DOCK10: variants seen among roughly 807,000 people sequenced by gnomAD.
DOCK10 encodes the protein dedicator of cytokinesis 10, also known as dedicator of cytokinesis protein 10.
DOCK10 carries 145 observed loss-of-function variants against 280.1 expected under a neutral mutation model. That is an observed-to-expected ratio of 0.52 (90% CI 0.45 to 0.59). The LOEUF (loss-of-function observed/expected upper bound fraction) is 0.59, where lower values mean the gene tolerates loss of function less well. Ranked by LOEUF, DOCK10 falls within the 20% of genes least tolerant of loss-of-function variation. The pLI, the probability that DOCK10 is intolerant of heterozygous loss-of-function variation, is 0.00. For missense variants in DOCK10, 2,368 were observed against 2,651.7 expected (o/e 0.89, Z 2.35); for synonymous variants, 915 against 942.2 (o/e 0.97, Z 0.53).
At chr2:224,844,518 C>T (rs973821165) in intron 22 of DOCK10, among the ~76,000 whole-genome samples, 7 of 152,170 alleles carry the variant, frequency 4.6e-5, no homozygotes, top group Non-Finnish European at 8.8e-5. Context: ...CTATTAAACA[C>T]ACTTCTGGTA....
chr2:224,882,465 C>T (rs1449342408), intron 7 of DOCK10, among the ~76,000 whole-genome samples: 1 of 152,012 alleles, frequency 6.6e-6, no homozygotes, highest in African/African-American at 2.4e-5. Flanking sequence ...ATAAACATTA[C>T]CTAAAGTCTC....
intron 4 of DOCK10, chr2:224,893,639 C>A (rs981667361): frequency 1.2e-4 from 55 of 457,936 alleles, no homozygotes; most frequent in African/African-American, 1.1e-3. Context: ...TCAGTATCTT[C>A]CTATGGACCC....
At chr2:224,832,086 A>C (rs1457386491) in intron 26 of DOCK10, among the ~76,000 whole-genome samples, 1 of 152,208 alleles carries the variant, frequency 6.6e-6, no homozygotes, top group Non-Finnish European at 1.5e-5. Flanking sequence ...GTATATGTAT[A>C]GTTTCAAGAA....
In DOCK10 at chr2:225,002,838, T is replaced by C. The variant is rs1706474965; in HGVS notation, c.123+39414A>G. Among the ~76,000 whole-genome samples the C allele has an allele frequency of 2.0e-5, 3 of 151,784 alleles. No individual in the cohort carries two copies. In the South Asian group the frequency reaches 6.3e-4, roughly 32 times the overall value. ...TCGGGCAGGTGTAAACATCCACATATGCAGAAAGAAAAAAGCCAGCAGGTG... is the reference window on the plus strand; with the variant it reads ...TCGGGCAGGTGTAAACATCCACATACGCAGAAAGAAAAAAGCCAGCAGGTG... On this transcript the variant is annotated intron_variant, in intron 1 of 55. Transcript: ENST00000258390.
At chr2:224,855,993 T>C (rs1482626797) in intron 15 of DOCK10, among the ~76,000 whole-genome samples, 1 of 152,232 alleles carries the variant, frequency 6.6e-6, no homozygotes, top group African/African-American at 2.4e-5. Flanking sequence ...GTGGAAATGC[T>C]CTATTAGGGT....
At chr2:224,859,423 T>C (rs1697357433) in intron 14 of DOCK10, among the ~76,000 whole-genome samples, 1 of 152,136 alleles carries the variant, frequency 6.6e-6, no homozygotes. Flanking sequence ...AGGGTCAATT[T>C]TCTCCCGAGT....
At chr2:224,846,411 T>G (rs1457983494) in intron 19 of DOCK10, among the ~76,000 whole-genome samples, 1 of 152,144 alleles carries the variant, frequency 6.6e-6, no homozygotes, top group African/African-American at 2.4e-5. Flanking sequence ...CAGAAGTTTT[T>G]TTTTCATTTT....
At chr2:224,912,197 G>C (rs1483301679) in intron 3 of DOCK10, among the ~76,000 whole-genome samples, 1 of 150,874 alleles carries the variant, frequency 6.6e-6, no homozygotes, top group African/African-American at 2.4e-5. Context: ...CTGGAATGAC[G>C]CGATCTCAGA....
In DOCK10 at chr2:224,887,208, A is replaced by ATT. The variant is rs1699356605; in HGVS notation, c.417-679_417-678dup. Among the ~76,000 whole-genome samples, 3 of 152,134 alleles carry ATT rather than the reference A, an allele frequency of 2.0e-5. No homozygotes were observed. The South Asian group carries it at 6.2e-4, about 32-fold the overall frequency. ...AATAAGTAGTGATATTTTCATTGTC[A>ATT]TTTCTGTGTCATCTGTATGTGACAT... On this transcript the variant is annotated intron_variant, in intron 4 of 55. Transcript: ENST00000258390.
intron 4 of DOCK10, among the ~76,000 whole-genome samples, chr2:224,893,004 G>C (rs2125808085): frequency 6.6e-6 from 1 of 152,242 alleles, no homozygotes; most frequent in Middle Eastern, 3.4e-3. Flanking sequence ...AAGAGCCTCG[G>C]GGATACCAAG....
At chr2:224,849,672 C>G in intron 18 of DOCK10, 73 bp from the exon 19 acceptor site, 1 of 1,039,926 alleles carries the variant, frequency 9.6e-7, no homozygotes. Flanking sequence ...AAGTCCATAA[C>G]TCTTCAGTAC....
chr2:224,777,227 A>T (rs543718382), intron 51 of DOCK10, among the ~76,000 whole-genome samples: 4 of 151,838 alleles, frequency 2.6e-5, no homozygotes, highest in Admixed American at 6.5e-5. Flanking sequence ...TGTAATGTAA[A>T]GTATGGCGTA....
intron 7 of DOCK10, among the ~76,000 whole-genome samples, chr2:224,880,898 T>C (rs923415537): frequency 3.3e-5 from 5 of 151,896 alleles, no homozygotes; most frequent in Non-Finnish European, 7.4e-5. Flanking sequence ...CAAATCCAGG[T>C]TTCTGGTATC....
chr2:224,956,106 G>T (rs964751317), intron 1 of DOCK10, among the ~76,000 whole-genome samples: 3 of 152,214 alleles, frequency 2.0e-5, no homozygotes, highest in Non-Finnish European at 2.9e-5. Context: ...GGAGAACATT[G>T]TGTTGGCCAA....
intron 3 of DOCK10, among the ~76,000 whole-genome samples, chr2:224,912,970 G>A (rs1011497113): frequency 1.3e-5 from 2 of 152,108 alleles, no homozygotes; most frequent in Non-Finnish European, 2.9e-5. Context: ...GGGTTGCAGT[G>A]AGCAGAGATC....
At chr2:224,900,244 A>G (rs1700218366) in intron 3 of DOCK10, among the ~76,000 whole-genome samples, 1 of 152,110 alleles carries the variant, frequency 6.6e-6, no homozygotes, top group Non-Finnish European at 1.5e-5. Context: ...ACAAAAATGA[A>G]TGTGGCACTT....
intron 25 of DOCK10, 47 bp downstream of exon 25, chr2:224,837,715 C>T (rs1432728694): frequency 6.6e-7 from 1 of 1,514,620 alleles, no homozygotes. Flanking sequence ...TGAGACAAGT[C>T]ACACAGCACA....
At chr2:224,864,753 A>T (rs992070762) in intron 12 of DOCK10, 78 bp from the exon 13 acceptor site, 2 of 1,575,826 alleles carry the variant, frequency 1.3e-6, no homozygotes, top group Non-Finnish European at 1.7e-6. Flanking sequence ...TTTTTTAAAA[A>T]AGGACAGCTT....
At position 224,873,984 on chromosome 2, in the gene DOCK10, G is replaced by A. The variant is rs1265277826; in HGVS notation, c.1257+12C>T. Reference sequence around the variant, plus strand: ...GCTTAATGGTATAGGATGTAACAGAGGAGAAACTTACATTCGTTATCGGAT... The same window carrying A: ...GCTTAATGGTATAGGATGTAACAGAAGAGAAACTTACATTCGTTATCGGAT... On this transcript the variant is annotated intron_variant, in intron 11 of 55. Transcript: ENST00000258390. The A allele has an allele frequency of 1.9e-6, 3 of 1,608,592 alleles. No individual in the cohort carries two copies. The highest frequency in any genetic ancestry group is 1.7e-5 in the Admixed American group (1 of 58,906).
Sources: allele counts gnomAD v4.1 joint callset (sites outside exome capture counted in the v4.1 genomes callset), GRCh38; gene constraint gnomAD v4.1.1; transcripts MANE v1.5; gene names NCBI Gene and HGNC (gene_info 2026-07-23, HGNC 2026-07-21).